CNPY3: variants seen among roughly 807,000 people sequenced by gnomAD.
CNPY3 encodes protein canopy homolog 3.
CNPY3 carries 20 observed loss-of-function variants against 32.0 expected under a neutral mutation model. The observed-to-expected ratio is 0.63, with a 90% CI of 0.44 to 0.91. The LOEUF is 0.91. CNPY3 is among the 40% of genes least tolerant of loss of function. CNPY3 has a pLI of 0.00. For missense variants in CNPY3, 299 were observed against 340.8 expected (o/e 0.88, Z 0.97); for synonymous variants, 138 against 142.9 (o/e 0.97, Z 0.24).
chr6:42,935,174 C>T (rs1206102064), intron 2 of CNPY3, among the ~76,000 whole-genome samples: 1 of 152,036 alleles, frequency 6.6e-6, no homozygotes, highest in East Asian at 1.9e-4. Context: ...GGCCACAGTG[C>T]AATTTTTTAA....
At chr6:42,929,099 G>A (rs573447868), upstream of CNPY3, 255 of 157,380 alleles carry the variant, frequency 1.6e-3, 2 homozygotes, top group Admixed American at 3.4e-3. Flanking sequence ...AGGACCCCAG[G>A]AGGGAAGTGA....
chr6:42,933,465 T>TC (rs1414521297), intron 1 of CNPY3, among the ~76,000 whole-genome samples: 7 of 152,262 alleles, frequency 4.6e-5, no homozygotes, highest in Admixed American at 3.9e-4. Context: ...ACAAGAGCTC[T>TC]CTGGAGGGCA....
upstream of CNPY3, chr6:42,929,351 G>C (rs537215690): frequency 7.0e-6 from 4 of 575,526 alleles, no homozygotes; most frequent in South Asian, 6.8e-5. Context: ...ATTAGCTAGA[G>C]AGCAAACCCC....
chr6:42,933,573 G>A (rs977655909), intron 1 of CNPY3, among the ~76,000 whole-genome samples: 7 of 152,156 alleles, frequency 4.6e-5, no homozygotes, highest in Admixed American at 3.3e-4. Context: ...GACAATTAAG[G>A]AAATTTGAAT....
chr6:42,928,112 C>G (rs746347610), upstream of CNPY3, among the ~76,000 whole-genome samples: 1 of 152,132 alleles, frequency 6.6e-6, no homozygotes, highest in Non-Finnish European at 1.5e-5. Context: ...CTCCACCTCC[C>G]GAGTAGCTGG....
rs747789716 is a variant in CNPY3, at chr6:42,929,588, G to C, written c.18G>C (p.Glu6Asp). ...GCCGGGCCATGGATTCAATGCCTGA[G>C]CCCGCGTCCCGCTGTCTTCTGCTTC... MDSMP[E>D]PASRCLLLLP... The change falls in exon 1 of 6, where the codon GAG becomes GAC. Residue 6 changes from glutamate (E) to aspartate (D), a missense_variant. Coordinates refer to ENST00000372836, the MANE Select transcript of CNPY3 (RefSeq NM_006586.5). The C allele has an allele frequency of 3.6e-5, 56 of 1,576,216 alleles. No individual in the cohort carries two copies. The highest frequency in any genetic ancestry group is 4.6e-5 in the Non-Finnish European group (54 of 1,161,764).
chr6:42,931,888 T>C (rs1311327609), intron 1 of CNPY3, among the ~76,000 whole-genome samples: 1 of 150,804 alleles, frequency 6.6e-6, no homozygotes, highest in Non-Finnish European at 1.5e-5. Flanking sequence ...CATGCCCGGG[T>C]AATTTTTGTA....
rs1768407611 is a variant in CNPY3, at chr6:42,938,752, G to A, written c.798G>A (p.Lys266=). 6.8e-6 allele frequency: 11 copies of A among 1,613,634 alleles called. No homozygotes were observed. The highest frequency in any genetic ancestry group is 9.3e-6 in the Non-Finnish European group (11 of 1,179,754). The part of the protein sequence containing the change: ...PSPEEDEGIQ[K]ASPLTHSPPD... ...CCGAGGAGGATGAGGGCATCCAGAAGGCATCCCCTCTCACACACAGCCCCC... is the reference window on the plus strand; with the variant it reads ...CCGAGGAGGATGAGGGCATCCAGAAAGCATCCCCTCTCACACACAGCCCCC... Residue 266 remains lysine, a synonymous_variant, in exon 6 of 6, where the codon AAG becomes AAA. Coordinates refer to ENST00000372836, the MANE Select transcript of CNPY3 (RefSeq NM_006586.5).
At chr6:42,935,429 A>T (rs1480147052) in intron 2 of CNPY3, 145 bp from the exon 3 acceptor site, 1 of 1,339,532 alleles carries the variant, frequency 7.5e-7, no homozygotes, top group East Asian at 2.6e-5. Flanking sequence ...GATCCCCCAG[A>T]CCAGATGACC....
chr6:42,937,660 C>A, intron 3 of CNPY3, 57 bp from the exon 4 acceptor site: 1 of 1,598,166 alleles, frequency 6.3e-7, no homozygotes, highest in Non-Finnish European at 8.5e-7. Context: ...CACTGGGAGA[C>A]GAGGGTGGGA....
At chr6:42,930,982 T>C (rs1767759582) in intron 1 of CNPY3, among the ~76,000 whole-genome samples, 1 of 148,800 alleles carries the variant, frequency 6.7e-6, no homozygotes. Flanking sequence ...CTCTGCCTCC[T>C]AGGTTCAAAC....
At position 42,939,091 on chromosome 6, in the gene CNPY3, C is replaced by T; in HGVS notation, c.*300C>T. The T allele has an allele frequency of 8.5e-7, 1 of 1,180,998 alleles. No homozygotes were observed. Among genetic ancestry groups the T allele is most frequent in the African/African-American group, 1.6e-5 (1 of 63,788 alleles). 73.2% of individuals were successfully genotyped at this position (1,180,998 alleles called of 1,614,324 possible). A position where few individuals can be genotyped will look rare whatever the true frequency, so the allele number is the denominator to read the frequency against. ...AGGAGGGGCAGGTGTCAGAACTGGG[C>T]ACCAGGACTGGAGCCCCCTCCGGAG... On this transcript the variant is annotated 3_prime_UTR_variant, in exon 6 of 6. Coordinates refer to ENST00000372836, the MANE Select transcript of CNPY3 (RefSeq NM_006586.5).
chr6:42,934,655 T>G (rs1581709492), intron 2 of CNPY3, 57 bp downstream of exon 2: 1 of 1,604,324 alleles, frequency 6.2e-7, no homozygotes, highest in Non-Finnish European at 8.5e-7. Context: ...GCTTCAGGGG[T>G]TTGGAGTTCC....
intron 1 of CNPY3, among the ~76,000 whole-genome samples, chr6:42,933,397 T>C (rs933157463): frequency 3.3e-5 from 5 of 152,166 alleles, no homozygotes; most frequent in African/African-American, 9.7e-5. Flanking sequence ...AGTTGCCTAA[T>C]ACCTATTTGA....
chr6:42,933,771 T>G (rs1017158841), intron 1 of CNPY3, among the ~76,000 whole-genome samples: 11 of 152,220 alleles, frequency 7.2e-5, no homozygotes, highest in African/African-American at 2.7e-4. Flanking sequence ...ATATTATAAT[T>G]ATATATTGAA....
upstream of CNPY3, among the ~76,000 whole-genome samples, chr6:42,928,369 C>G (rs1443139028): frequency 2.0e-5 from 3 of 151,720 alleles, no homozygotes; most frequent in African/African-American, 7.3e-5. Context: ...GTCTCGAACT[C>G]CTGGCCTCAA....
chr6:42,928,259 T>C (rs905845313), upstream of CNPY3, among the ~76,000 whole-genome samples: 2 of 152,170 alleles, frequency 1.3e-5, no homozygotes, highest in African/African-American at 4.8e-5. Flanking sequence ...AGTGCTGGAA[T>C]TATAGGCGTG....
chr6:42,938,059 C>G, intron 4 of CNPY3, 31 bp from the exon 5 acceptor site: 1 of 1,587,636 alleles, frequency 6.3e-7, no homozygotes, highest in Non-Finnish European at 8.6e-7. Flanking sequence ...GGTGCTGGGG[C>G]TTTGCCAATA....
intron 3 of CNPY3, among the ~76,000 whole-genome samples, chr6:42,937,227 G>A (rs1581715828): frequency 6.6e-6 from 1 of 152,160 alleles, no homozygotes; most frequent in Non-Finnish European, 1.5e-5. Context: ...TTTTTGAAGC[G>A]ATGAGGTGTG....
Sources: gnomAD v4.1 joint callset for allele counts (sites outside exome capture counted in the v4.1 genomes callset) on GRCh38, gnomAD v4.1.1 for gene constraint, MANE v1.5 for transcripts, NCBI Gene and HGNC (gene_info 2026-07-23, HGNC 2026-07-21) for gene names.